RYR3: variants seen among roughly 807,000 people sequenced by gnomAD.
RYR3 encodes the protein brain ryanodine receptor-calcium release channel.
A neutral mutation model predicts 584.3 loss-of-function variants in RYR3; 207 were observed. The ratio of observed to expected loss-of-function variants is 0.35; its 90% confidence interval spans 0.32 to 0.40. The LOEUF is 0.40. Among genes scored for constraint, RYR3 ranks in the 10% least tolerant of loss-of-function variants. The pLI is 1.00. For synonymous variants in RYR3, 2,416 were observed against 2,248.5 expected (o/e 1.07, Z -2.11); for missense variants, 5,616 against 6,089.2 (o/e 0.92, Z 2.59).
At chr15:33,763,364 A>T (rs1330207089) in intron 60 of RYR3, among the ~76,000 whole-genome samples, 1 of 151,972 alleles carries the variant, frequency 6.6e-6, no homozygotes, top group African/African-American at 2.4e-5. Context: ...TTTGCAATCT[A>T]TCTGTCTGAC....
Position 33,853,069 on chromosome 15 carries a change from C to A in RYR3, c.13653C>A (p.Asp4551Glu), listed in dbSNP as rs766901337. The change falls in exon 95 of 104, where the codon GAC becomes GAA. Residue 4551 changes from aspartate to glutamate, a missense_variant. Asp to Glu is a conservative substitution (Grantham distance 45). Transcript: ENST00000634891. ...GATCTTTTCCTAATAACTACTGGGA[C>A]AAGTTTGTAAAGAGAAAGGTATGCC... ...NTPSFPNNYW[D>E]KFVKRKVINK... 2 of 1,603,474 alleles carry A rather than the reference C, an allele frequency of 1.2e-6. No individual in the cohort carries two copies. The highest frequency in any genetic ancestry group is 1.7e-6 in the Non-Finnish European group (2 of 1,176,230).
Position 33,841,854 on chromosome 15 carries a change from A to AT in RYR3, c.13038-7dup, listed in dbSNP as rs1486019434. ...GTCTGCCCTGCTGAGTGGGTTTCCCATTTCTGCAGCATGGAAGATGGAGAG... is the reference window on the plus strand; with the variant it reads ...GTCTGCCCTGCTGAGTGGGTTTCCCATTTTCTGCAGCATGGAAGATGGAGAG... On this transcript the variant is annotated splice_polypyrimidine_tract_variant and intron_variant, in intron 90 of 103. Coordinates refer to ENST00000634891, the MANE Select transcript of RYR3 (RefSeq NM_001036.6). 12 of 1,582,296 alleles carry AT rather than the reference A, an allele frequency of 7.6e-6. No individual in the cohort carries two copies. Among genetic ancestry groups the AT allele is most frequent in the Non-Finnish European group, 1.0e-5 (12 of 1,164,172 alleles).
intron 1 of RYR3, among the ~76,000 whole-genome samples, chr15:33,380,794 A>G (rs1388376009): frequency 6.6e-6 from 1 of 152,222 alleles, no homozygotes; most frequent in Non-Finnish European, 1.5e-5. Flanking sequence ...CAAGCCTTAC[A>G]CGGAGACCCA....
At chr15:33,669,842 G>GGGT in intron 37 of RYR3, among the ~76,000 whole-genome samples, 1 of 20,426 alleles carries the variant, frequency 4.9e-5, no homozygotes, top group South Asian at 2.7e-3. Context: ...GTGTGTGTGT[G>GGGT]TGGGGGGGGG....
chr15:33,642,799 G>C (rs1003262967), intron 27 of RYR3, among the ~76,000 whole-genome samples: 6 of 152,240 alleles, frequency 3.9e-5, no homozygotes, highest in African/African-American at 1.2e-4. Context: ...TCCGTTGACT[G>C]TCCTGAGAGG....
chr15:33,331,034 G>T (rs1436907113), intron 1 of RYR3, among the ~76,000 whole-genome samples: 2 of 152,020 alleles, frequency 1.3e-5, no homozygotes, highest in Non-Finnish European at 2.9e-5. Context: ...ACAGAACTTT[G>T]TTTGTTTGTT....
intron 60 of RYR3, among the ~76,000 whole-genome samples, chr15:33,764,799 A>G (rs1383856878): frequency 2.0e-5 from 3 of 152,124 alleles, no homozygotes; most frequent in Non-Finnish European, 4.4e-5. Flanking sequence ...TTGGGAGGCC[A>G]GGGCAGGCGG....
In RYR3 at chr15:33,631,234, C is replaced by T; in HGVS notation, c.2808C>T (p.His936=). The T allele has an allele frequency of 6.3e-7, 1 of 1,590,790 alleles. No individual in the cohort carries two copies. The highest frequency in any genetic ancestry group is 1.3e-5 in the African/African-American group (1 of 74,686). ...GAACCCTCTTGGCCCTGGGGTGCCACATTGCTCATGTTAACCCAGCTGCTG... is the reference window on the plus strand; with the variant it reads ...GAACCCTCTTGGCCCTGGGGTGCCATATTGCTCATGTTAACCCAGCTGCTG... ...TLKTLLALGC[H]IAHVNPAAEE... Residue 936 remains histidine, a synonymous_variant, in exon 23 of 104, where the codon CAC becomes CAT. Transcript: ENST00000634891.
intron 1 of RYR3, among the ~76,000 whole-genome samples, chr15:33,352,397 T>C (rs1343900): frequency 0.74 from 112,623 of 151,856 alleles, 42,478 homozygotes; most frequent in African/African-American, 0.89. Context: ...TGGTGCTAGG[T>C]GAGATCAATT....
At chr15:33,473,615 A>T in intron 2 of RYR3, 77 bp downstream of exon 2, 1 of 1,450,772 alleles carries the variant, frequency 6.9e-7, no homozygotes, top group South Asian at 1.2e-5. Context: ...TACTGCTGGG[A>T]GATGGTGATG....
chr15:33,621,249 C>T (rs944985275), intron 19 of RYR3, among the ~76,000 whole-genome samples: 1 of 152,142 alleles, frequency 6.6e-6, no homozygotes, highest in Non-Finnish European at 1.5e-5. Flanking sequence ...TTCTTGGAGT[C>T]CATATGCTAG....
chr15:33,545,269 T>G (rs2056152365), intron 8 of RYR3, among the ~76,000 whole-genome samples: 1 of 152,146 alleles, frequency 6.6e-6, no homozygotes. Context: ...AAACTGCTAC[T>G]TAGGTTAGTC....
At chr15:33,363,694 G>T (rs1161565109) in intron 1 of RYR3, among the ~76,000 whole-genome samples, 1 of 152,138 alleles carries the variant, frequency 6.6e-6, no homozygotes, top group African/African-American at 2.4e-5. Flanking sequence ...AACATAAAAT[G>T]ACTATTATGT....
chr15:33,634,823 A>T, intron 25 of RYR3, 90 bp downstream of exon 25: 2 of 1,097,130 alleles, frequency 1.8e-6, no homozygotes, highest in South Asian at 2.7e-5. Flanking sequence ...TCTAACTTGT[A>T]CTATTGGAAA....
intron 5 of RYR3, among the ~76,000 whole-genome samples, chr15:33,536,055 C>T (rs1421890729): frequency 6.6e-6 from 1 of 152,190 alleles, no homozygotes; most frequent in Admixed American, 6.5e-5. Flanking sequence ...ACCTCCAACT[C>T]AGATGAGGTT....
chr15:33,800,738 T>G, intron 67 of RYR3, 32 bp from the exon 68 acceptor site: 3 of 1,499,550 alleles, frequency 2.0e-6, no homozygotes, highest in Non-Finnish European at 2.8e-6. Flanking sequence ...CTACTGAATT[T>G]CAAATGCCTG....
intron 99 of RYR3, 51 bp downstream of exon 99, chr15:33,857,965 G>C (rs202238824): frequency 6.2e-7 from 1 of 1,604,778 alleles, no homozygotes; most frequent in African/African-American, 1.3e-5. Context: ...GGGCCACCCC[G>C]CCCCACCACC....
chr15:33,694,386 A>T (rs1437743812), intron 38 of RYR3, among the ~76,000 whole-genome samples: 1 of 147,140 alleles, frequency 6.8e-6, no homozygotes, highest in Non-Finnish European at 1.5e-5. Context: ...CTGGGACTAC[A>T]GGCGCCCTCC....
chr15:33,854,643 A>G, intron 97 of RYR3, 123 bp from the exon 98 acceptor site: 2 of 1,306,720 alleles, frequency 1.5e-6, no homozygotes, highest in South Asian at 2.9e-5. Context: ...GGGCCAGCTC[A>G]CAGCACCTCA....
Sources: allele counts gnomAD v4.1 joint callset (sites outside exome capture counted in the v4.1 genomes callset), GRCh38; gene constraint gnomAD v4.1.1; transcripts MANE v1.5; gene names NCBI Gene and HGNC (gene_info 2026-07-23, HGNC 2026-07-21).